TNS1: variants seen among roughly 807,000 people sequenced by gnomAD.
The protein encoded by TNS1 is tensin-1.
TNS1 carries 62 observed loss-of-function variants against 168.6 expected under a neutral mutation model. The ratio of observed to expected loss-of-function variants is 0.37; its 90% CI spans 0.30 to 0.45. The LOEUF is 0.45. Among genes scored for constraint, TNS1 ranks in the 20% least tolerant of loss-of-function variants. TNS1 has a pLI of 1.00. For synonymous variants in TNS1, 934 were observed against 933.2 expected (o/e 1.00, Z -0.02); for missense variants, 2,240 against 2,339.4 (o/e 0.96, Z 0.88).
intron 3 of TNS1, among the ~76,000 whole-genome samples, chr2:217,941,444 C>T (rs1276832303): frequency 6.6e-6 from 1 of 152,218 alleles, no homozygotes; most frequent in African/African-American, 2.4e-5. Flanking sequence ...TGGGTGCGGA[C>T]CTGGTAGGCA....
intron 4 of TNS1, among the ~76,000 whole-genome samples, chr2:217,913,434 G>T (rs1252286668): frequency 6.6e-6 from 1 of 152,128 alleles, no homozygotes; most frequent in African/African-American, 2.4e-5. Flanking sequence ...GTTCCCTCTT[G>T]CCATGTCCTT....
chr2:217,894,553 A>G (rs1952072561), intron 9 of TNS1, among the ~76,000 whole-genome samples: 1 of 152,176 alleles, frequency 6.6e-6, no homozygotes. Context: ...GCTACTCGGA[A>G]GGCTGAGGCA....
intron 3 of TNS1, among the ~76,000 whole-genome samples, chr2:217,970,782 ATCT>A (rs1957756860): frequency 6.6e-6 from 1 of 152,124 alleles, no homozygotes; most frequent in African/African-American, 2.4e-5. Context: ...GCTGCTGAAA[ATCT>A]TCTAAAATTG....
At chr2:217,899,018 G>A (rs1047780129) in intron 7 of TNS1, among the ~76,000 whole-genome samples, 9 of 152,296 alleles carry the variant, frequency 5.9e-5, no homozygotes, top group African/African-American at 1.7e-4. Flanking sequence ...TCACCACAGC[G>A]GGATAAAGTG....
chr2:217,920,563 A>ATT (rs35026780), intron 3 of TNS1, among the ~76,000 whole-genome samples: 63 of 135,938 alleles, frequency 4.6e-4, no homozygotes, highest in Admixed American at 1.4e-3. Flanking sequence ...AAGAAGAAGG[A>ATT]TTTTTTTTTT....
chr2:217,883,384 C>T (rs537701814), intron 16 of TNS1, among the ~76,000 whole-genome samples: 1 of 152,340 alleles, frequency 6.6e-6, no homozygotes, highest in Admixed American at 6.5e-5. Context: ...CCTGCCTCAG[C>T]CCCTGGAATA....
Position 217,889,995 on chromosome 2 carries a change from C to T in TNS1, c.866+967G>A, listed in dbSNP as rs147193685. Among the ~76,000 whole-genome samples the T allele has an allele frequency of 1.6e-3, 240 of 152,372 alleles. 2 individuals carry two copies. The highest frequency in any genetic ancestry group is 5.5e-3 in the African/African-American group (229 of 41,578). ...ACCCACGGAGCAGGATCCCTCAGGA[C>T]AGTGGGTCACACAACCAGGAGGCAC... On this transcript the variant is annotated intron_variant, in intron 12 of 32. Coordinates refer to ENST00000682258, the MANE Select transcript of TNS1 (RefSeq NM_001387777.1).
At chr2:217,902,835 C>T (rs1953173473) in intron 6 of TNS1, among the ~76,000 whole-genome samples, 1 of 152,182 alleles carries the variant, frequency 6.6e-6, no homozygotes, top group Non-Finnish European at 1.5e-5. Flanking sequence ...CACTGGGCTG[C>T]CCTCTCACTG....
chr2:217,857,399 G>T (rs1948267294), intron 18 of TNS1, among the ~76,000 whole-genome samples: 1 of 152,176 alleles, frequency 6.6e-6, no homozygotes, highest in Non-Finnish European at 1.5e-5. Context: ...CAGTGCTCTT[G>T]TCCCTAATGC....
chr2:218,008,283 G>A (rs912349913), intron 1 of TNS1, among the ~76,000 whole-genome samples: 3 of 152,218 alleles, frequency 2.0e-5, no homozygotes, highest in Non-Finnish European at 2.9e-5. Context: ...GCTGGAGGGA[G>A]GCAGCTGCAG....
At chr2:217,839,975 C>G (rs550679030) in intron 19 of TNS1, among the ~76,000 whole-genome samples, 1 of 152,334 alleles carries the variant, frequency 6.6e-6, no homozygotes, top group Admixed American at 6.5e-5. Context: ...ATCCCAGAAC[C>G]TGCCCCTACC....
At position 217,897,844 on chromosome 2, in the gene TNS1, C is replaced by A. The variant is rs774021860; in HGVS notation, c.497G>T (p.Arg166Leu). 1 of 1,612,528 alleles carries A rather than the reference C, an allele frequency of 6.2e-7. No homozygotes were observed. Among genetic ancestry groups the A allele is most frequent in the South Asian group, 1.1e-5 (1 of 90,786 alleles). ...ANEENFRSNL[R>L]EVAQMLKSKH... The stretch of plus-strand genomic sequence containing the variant: ...GGACTTGAGCATCTGCGCCACCTCA[C>A]GGAGGTTGCTCCGGAAGTTCTCCTC... The change falls in exon 8 of 33, where the codon CGT (arginine) becomes CTT (leucine). Residue 166 changes from arginine (R) to leucine (L), a missense_variant. Physicochemically the swap from Arg to Leu is moderately radical, Grantham distance 102. Transcript: ENST00000682258.
rs991176951 is a variant in TNS1, at chr2:217,986,911, T to C, written c.148+4031A>G. On this transcript the variant is annotated intron_variant, in intron 2 of 32. Transcript: ENST00000682258. The surrounding 1 kb of genome is among the most constrained non-coding windows in gnomAD (Gnocchi z 4.7). ...GACAGCTCAGTTCATGATTGCCAGA[T>C]GGCTGCACGCAGCGCGGAGGAGGTG... 1.3e-5 allele frequency: 2 copies of C among 152,258 alleles called. No individual in the cohort carries two copies. The highest frequency in any genetic ancestry group is 2.9e-5 in the Non-Finnish European group (2 of 68,052). 9.4% of individuals were successfully genotyped at this position (152,258 alleles called of 1,614,324 possible).
intron 18 of TNS1, among the ~76,000 whole-genome samples, chr2:217,855,198 C>T (rs1276358578): frequency 6.6e-6 from 1 of 152,196 alleles, no homozygotes; most frequent in Non-Finnish European, 1.5e-5. Flanking sequence ...CCTTCTGAAG[C>T]CTCACTTCCT....
intron 19 of TNS1, among the ~76,000 whole-genome samples, chr2:217,840,355 C>T (rs562532932): frequency 6.6e-5 from 10 of 152,318 alleles, no homozygotes; most frequent in African/African-American, 1.9e-4. Flanking sequence ...TAGTGGACGG[C>T]ATCATTCTCA....
chr2:218,013,282 A>G (rs1254184903), upstream of TNS1, among the ~76,000 whole-genome samples: 8 of 151,846 alleles, frequency 5.3e-5, no homozygotes, highest in Non-Finnish European at 1.5e-5. Context: ...AAGAAATTGC[A>G]TTCAGCACCT....
intron 2 of TNS1, among the ~76,000 whole-genome samples, chr2:217,981,540 G>A (rs1401845339): frequency 6.6e-6 from 1 of 152,210 alleles, no homozygotes; most frequent in Non-Finnish European, 1.5e-5. Flanking sequence ...TCTACAGAGG[G>A]GAACGAGGGA....
Position 217,991,059 on chromosome 2 carries a change from G to A in TNS1, c.34-3C>T, listed in dbSNP as rs1448943260. On this transcript the variant is annotated splice_polypyrimidine_tract_variant and splice_region_variant and intron_variant, in intron 1 of 32. Transcript: ENST00000682258. ...TTGGGGGCCTCCAGATCCTCTGGCT[G>A]TGGGAGGAGAGGCACAGAGTCAGCC... 1 of 669,056 alleles carries A rather than the reference G, an allele frequency of 1.5e-6. No homozygotes were observed. Among genetic ancestry groups the A allele is most frequent in the Admixed American group, 2.1e-5 (1 of 48,650 alleles). 41.4% of individuals were successfully genotyped at this position (669,056 alleles called of 1,614,324 possible).
At chr2:217,865,587 A>G (rs1344647431) in intron 18 of TNS1, among the ~76,000 whole-genome samples, 1 of 152,242 alleles carries the variant, frequency 6.6e-6, no homozygotes, top group Non-Finnish European at 1.5e-5. Context: ...AATCAAAGGC[A>G]TAAGTCCCAG....
Sources: allele counts gnomAD v4.1 joint callset (sites outside exome capture counted in the v4.1 genomes callset), GRCh38; gene constraint gnomAD v4.1.1; non-coding constraint Gnocchi (gnomAD v3.1); transcripts MANE v1.5; gene names NCBI Gene and HGNC (gene_info 2026-07-23, HGNC 2026-07-21).